ABCA10: variants seen among roughly 807,000 people sequenced by gnomAD.
ABCA10 encodes ATP-binding cassette sub-family A member 10.
Under a neutral mutation model 187.5 loss-of-function variants are expected in ABCA10, and 169 were observed. That is an observed-to-expected ratio of 0.90 (90% CI 0.80 to 1.02). The LOEUF (loss-of-function observed/expected upper bound fraction) is 1.02, where lower values mean the gene tolerates loss of function less well. Among genes scored for constraint, ABCA10 ranks in the 50% least tolerant of loss-of-function variants. ABCA10 has a pLI of 0.00. For missense variants in ABCA10, 1,727 were observed against 1,812.4 expected, an observed-to-expected ratio of 0.95 and a Z score of 0.86; for synonymous variants, 574 against 601.8, an observed-to-expected ratio of 0.95 and a Z score of 0.68.
Position 69,175,483 on chromosome 17 carries a change from C to G in ABCA10, c.2800G>C (p.Asp934His), listed in dbSNP as rs764052347. Residue 934 changes from aspartate (D) to histidine (H), a missense_variant, in exon 23 of 39, where the codon GAT becomes CAT. Transcript: ENST00000690296. Reference protein sequence around the residue: ...DDIVLDLGFIDGSIFLLLITN... With the variant: ...DDIVLDLGFIHGSIFLLLITN... ...ATCAACAACAAAAATATGGACCCAT[C>G]TATAAAACCAAGATCCAGCACTATG... 1.9e-6 allele frequency: 3 copies of G among 1,611,308 alleles called. No homozygotes were observed. Among genetic ancestry groups the G allele is most frequent in the Non-Finnish European group, 2.5e-6 (3 of 1,178,322 alleles).
chr17:69,203,448 G>T (rs2074563432), intron 9 of ABCA10, among the ~76,000 whole-genome samples: 1 of 152,152 alleles, frequency 6.6e-6, no homozygotes, highest in African/African-American at 2.4e-5. Context: ...AGTAGCCAAA[G>T]CCGGAAACCA....
At position 69,174,664 on chromosome 17, in the gene ABCA10, T is replaced by C; in HGVS notation, c.2991A>G (p.Leu997=). ...LYFLILFSIH[L]IYYFIFLGFQ... is the part of the protein sequence containing the mutation. ...ATCCCAGAAATATGAAGTAGTAAAT[T>C]AAATGTATTGAAAAGAGAATCAAGA... The change falls in exon 24 of 39, where the codon TTA becomes TTG. Residue 997 remains leucine (L), a synonymous_variant. Transcript: ENST00000690296. 1.2e-6 allele frequency: 2 copies of C among 1,611,780 alleles called. No individual in the cohort carries two copies. Among genetic ancestry groups the C allele is most frequent in the African/African-American group, 2.7e-5 (2 of 74,934 alleles).
intron 27 of ABCA10, among the ~76,000 whole-genome samples, chr17:69,163,718 C>A (rs1035545932): frequency 1.6e-4 from 25 of 152,148 alleles, no homozygotes; most frequent in African/African-American, 6.0e-4. Flanking sequence ...TTCATTTAAT[C>A]TTTCTCCTTT....
chr17:69,243,494 T>C (rs2074919115), intron 1 of ABCA10, among the ~76,000 whole-genome samples: 2 of 152,252 alleles, frequency 1.3e-5, no homozygotes, highest in South Asian at 4.1e-4. Flanking sequence ...ATCATCTTAC[T>C]ATGTGGCCCA....
chr17:69,152,407 T>G lies in ABCA10; in HGVS notation c.4211A>C (p.Glu1404Ala). Residue 1404 changes from glutamate to alanine, a missense_variant, in exon 35 of 39, where the codon GAG becomes GCG. Transcript: ENST00000690296. ...CATGGCCATACGGTCACACACAGCC[T>G]CAGCCTCTGACATGTAATGGGTGGT... The part of the protein sequence containing the change: ...LLTTHYMSEA[E>A]AVCDRMAMMV... 6.2e-7 allele frequency: 1 copy of G among 1,614,046 alleles called. No individual in the cohort carries two copies. Among genetic ancestry groups the G allele is most frequent in the Non-Finnish European group, 8.5e-7 (1 of 1,179,942 alleles).
intron 18 of ABCA10, among the ~76,000 whole-genome samples, chr17:69,189,314 G>A (rs2074443244): frequency 6.6e-6 from 1 of 152,054 alleles, no homozygotes; most frequent in African/African-American, 2.4e-5. Context: ...CTTGTTGATT[G>A]CATGTATGTA....
intron 9 of ABCA10, among the ~76,000 whole-genome samples, chr17:69,213,635 C>T (rs1365212885): frequency 6.6e-6 from 1 of 152,158 alleles, no homozygotes; most frequent in East Asian, 1.9e-4. Context: ...AGATCTTGCC[C>T]CAGGCTATAA....
At chr17:69,193,321 A>C in intron 14 of ABCA10, 73 bp from the exon 15 acceptor site, 1 of 1,569,260 alleles carries the variant, frequency 6.4e-7, no homozygotes, top group Non-Finnish European at 8.6e-7. Context: ...CATGAAAACA[A>C]GTATGATTTC....
intron 10 of ABCA10, 115 bp downstream of exon 10, chr17:69,201,385 G>T: frequency 5.2e-6 from 5 of 962,820 alleles, no homozygotes; most frequent in East Asian, 2.9e-5. Context: ...TTAGGATGAT[G>T]GCAGAGAAAT....
chr17:69,186,207 C>A (rs563217773), intron 19 of ABCA10, among the ~76,000 whole-genome samples: 60 of 152,194 alleles, frequency 3.9e-4, no homozygotes, highest in African/African-American at 1.4e-3. Flanking sequence ...AGCCATGAGT[C>A]CACTCTGCAA....
chr17:69,237,448 C>T (rs554947863), intron 1 of ABCA10, among the ~76,000 whole-genome samples: 10 of 152,278 alleles, frequency 6.6e-5, no homozygotes, highest in Admixed American at 2.0e-4. Context: ...GACTAATATC[C>T]TCCTCTAGAA....
chr17:69,168,578 CTT>C (rs1289949713), intron 25 of ABCA10, among the ~76,000 whole-genome samples: 4 of 152,194 alleles, frequency 2.6e-5, no homozygotes, highest in Non-Finnish European at 5.9e-5. Flanking sequence ...ATACAAAACA[CTT>C]TGTTAAATAG....
At chr17:69,208,208 G>C (rs1236942619) in intron 9 of ABCA10, among the ~76,000 whole-genome samples, 1 of 151,808 alleles carries the variant, frequency 6.6e-6, no homozygotes, top group Non-Finnish European at 1.5e-5. Context: ...AAGAGGTCAG[G>C]ACTTCAAGAC....
chr17:69,148,842 T>C lies in ABCA10; in HGVS notation c.4617A>G (p.Pro1539=), dbSNP rs753483710. 5.6e-6 allele frequency: 9 copies of C among 1,612,520 alleles called. No individual in the cohort carries two copies. The highest frequency in any genetic ancestry group is 6.8e-6 in the Non-Finnish European group (8 of 1,179,688). The change falls in exon 39 of 39, where the codon CCA becomes CCG. Residue 1539 remains proline, a synonymous_variant. Transcript: ENST00000690296. ...GTTCTTCATTTTAAGGGTCTTCCTG[T>C]GGGAGAAGTTTCCATTCAACTGTTG... The part of the protein sequence containing the change: ...IDTTVEWKLL[P]QEDP
intron 10 of ABCA10, among the ~76,000 whole-genome samples, chr17:69,199,722 T>C (rs1394762359): frequency 6.6e-6 from 1 of 152,240 alleles, no homozygotes; most frequent in African/African-American, 2.4e-5. Context: ...TGGATTAATA[T>C]GGATCAAACT....
At chr17:69,219,512 T>C in intron 6 of ABCA10, 33 bp downstream of exon 6, 1 of 1,400,506 alleles carries the variant, frequency 7.1e-7, no homozygotes, top group Non-Finnish European at 9.5e-7. Context: ...ATAATTAATG[T>C]ATGATATACA....
In ABCA10 at chr17:69,237,162, C is replaced by T. The variant is rs143904587; in HGVS notation, c.-593+7367G>A. Among the ~76,000 whole-genome samples the T allele has an allele frequency of 1.8e-3, 274 of 152,258 alleles. 2 individuals are homozygous for T. Among genetic ancestry groups the T allele is most frequent in the African/African-American group, 5.4e-3 (226 of 41,552 alleles). ...TCATCAATGGAGTCGACAAGTCTTACGTTCTATGAAATGACCAGCTGATCC... is the reference window on the plus strand; with the variant it reads ...TCATCAATGGAGTCGACAAGTCTTATGTTCTATGAAATGACCAGCTGATCC... On this transcript the variant is annotated intron_variant, in intron 1 of 39. Coordinates refer to the ABCA10 transcript ENST00000269081.
At position 69,225,665 on chromosome 17, in the gene ABCA10, A is replaced by C. The variant is rs111909940; in HGVS notation, c.-171-136T>G. 3.8e-3 allele frequency: 1,281 copies of C among 333,608 alleles called. 18 individuals are homozygous for C. Among genetic ancestry groups the C allele is most frequent in the African/African-American group, 0.025 (1,184 of 47,146 alleles). The allele number at this position is 333,608 out of a possible 1,614,324, so 20.7% of individuals were successfully genotyped here. On this transcript the variant is annotated intron_variant, in intron 2 of 38. Transcript: ENST00000690296. The stretch of plus-strand genomic sequence containing the variant: ...TTCAGTCTGTAATTTTTTTCTGCCC[A>C]AATTAATATCTACCTTTTAAAGAAA...
At chr17:69,221,096 G>C (rs2074744024) in intron 5 of ABCA10, among the ~76,000 whole-genome samples, 1 of 152,168 alleles carries the variant, frequency 6.6e-6, no homozygotes, top group Non-Finnish European at 1.5e-5. Flanking sequence ...ACTACAGATA[G>C]AAAGATGTAG....
Sources: allele counts gnomAD v4.1 joint callset (sites outside exome capture counted in the v4.1 genomes callset), GRCh38; gene constraint gnomAD v4.1.1; transcripts MANE v1.5; gene names NCBI Gene and HGNC (gene_info 2026-07-23, HGNC 2026-07-21).